The following PLEKHH2 variants were observed in gnomAD, a reference collection of about 807,000 sequenced individuals.
PLEKHH2 encodes pleckstrin homology, MyTH4 and FERM domain containing H2, also known as pleckstrin homology domain-containing family H member 2.
In PLEKHH2, 129 loss-of-function variants were observed where a neutral mutation model predicts 187.9. The ratio of observed to expected loss-of-function variants is 0.69; its 90% CI spans 0.59 to 0.79. The LOEUF is 0.79. PLEKHH2 is among the 30% of genes least tolerant of loss of function. The probability of loss-of-function intolerance (pLI) is 0.00; values close to 1 mark genes in which losing one functional copy is unlikely to be tolerated. For synonymous variants in PLEKHH2, 686 were observed against 605.6 expected (o/e 1.13, Z -1.95); for missense variants, 2,076 against 1,751.2 (o/e 1.19, Z -3.31).
At chr2:43,640,840 A>C (rs896319620) in intron 1 of PLEKHH2, among the ~76,000 whole-genome samples, 1 of 151,714 alleles carries the variant, frequency 6.6e-6, no homozygotes, top group Non-Finnish European at 1.5e-5. Flanking sequence ...GCTGGAGTGC[A>C]GTGGTGTGAA....
intron 2 of PLEKHH2, chr2:43,676,305 C>G (rs1381950897): frequency 6.2e-7 from 1 of 1,609,070 alleles, no homozygotes; most frequent in East Asian, 2.2e-5. Flanking sequence ...AAAATGATGT[C>G]CCACTAGCGG....
intron 1 of PLEKHH2, among the ~76,000 whole-genome samples, chr2:43,643,623 T>G (rs1464263538): frequency 6.6e-6 from 1 of 152,066 alleles, no homozygotes; most frequent in African/African-American, 2.4e-5. Context: ...ATAGTATACT[T>G]CAACTGCAGT....
chr2:43,683,435 G>A (rs182038208), intron 3 of PLEKHH2, among the ~76,000 whole-genome samples: 11 of 151,930 alleles, frequency 7.2e-5, no homozygotes, highest in South Asian at 2.1e-4. Flanking sequence ...CACCTCGCCC[G>A]GCCCTCTTTT....
In PLEKHH2 at chr2:43,701,193, C is replaced by G. The variant is rs544587655; in HGVS notation, c.1650+585C>G. On this transcript the variant is annotated intron_variant, in intron 8 of 29. Coordinates refer to ENST00000282406, the MANE Select transcript of PLEKHH2 (RefSeq NM_172069.4). ...TTGAGTCACCTGTTCCCAGGAAGCC[C>G]TGGACCACCACAGGATTCTGCTACT... 2.6e-5 allele frequency among the ~76,000 whole-genome samples: 4 copies of G among 152,312 alleles called. No individual in the cohort carries two copies. In the South Asian group the frequency reaches 8.3e-4, roughly 32 times the overall value.
At position 43,658,401 on chromosome 2, in the gene PLEKHH2, C is replaced by T. The variant is rs559496813; in HGVS notation, c.123+13605C>T. ...TATTAGTTATCTATTGCTGTATTAA[C>T]AAATGACTCCAAAATTTCATGGCTT... On this transcript the variant is annotated intron_variant, in intron 2 of 29. Transcript: ENST00000282406. Among the ~76,000 whole-genome samples, 3 of 152,304 alleles carry T rather than the reference C, an allele frequency of 2.0e-5. No individual in the cohort carries two copies. In the East Asian group the frequency reaches 5.8e-4, roughly 29 times the overall value.
intron 26 of PLEKHH2, among the ~76,000 whole-genome samples, chr2:43,758,605 T>C (rs1211309299): frequency 7.9e-5 from 12 of 152,340 alleles, no homozygotes; most frequent in Admixed American, 7.8e-4. Context: ...TCTTTTAAAC[T>C]AATTTACGCT....
chr2:43,729,523 T>C, intron 17 of PLEKHH2, 114 bp from the exon 18 acceptor site: 1 of 589,664 alleles, frequency 1.7e-6, no homozygotes, highest in Non-Finnish European at 2.7e-6. Context: ...TATTTAAAAA[T>C]TAAAGCAAGT....
chr2:43,719,720 G>A (rs1189979660), intron 15 of PLEKHH2, among the ~76,000 whole-genome samples: 1 of 152,218 alleles, frequency 6.6e-6, no homozygotes, highest in African/African-American at 2.4e-5. Flanking sequence ...TTACAGGCGT[G>A]AGCCACCGCG....
rs115992385 is a variant in PLEKHH2 at position 43,725,278 on chromosome 2, T to G, written c.2542-994T>G. The stretch of plus-strand genomic sequence containing the variant: ...AGAGTTTGTGTTTGTTGCCATCTTC[T>G]TGCAGCTGTAGGCACCCCCTCTAGT... On this transcript the variant is annotated intron_variant, in intron 16 of 29. Coordinates refer to ENST00000282406, the MANE Select transcript of PLEKHH2 (RefSeq NM_172069.4). 8.2e-3 allele frequency among the ~76,000 whole-genome samples: 1,256 copies of G among 152,296 alleles called. 25 individuals are homozygous for G. The highest frequency in any genetic ancestry group is 0.029 in the African/African-American group (1,187 of 41,564).
chr2:43,677,790 C>G (rs1667902333), intron 2 of PLEKHH2, among the ~76,000 whole-genome samples: 11 of 150,448 alleles, frequency 7.3e-5, no homozygotes, highest in Admixed American at 7.2e-4. Context: ...CAGAGGCGCC[C>G]CTCACCTCCC....
At chr2:43,755,825 G>A (rs777218854) in intron 25 of PLEKHH2, among the ~76,000 whole-genome samples, 3 of 152,160 alleles carry the variant, frequency 2.0e-5, no homozygotes, top group Non-Finnish European at 4.4e-5. Context: ...TCCAAGAATG[G>A]TGAATGGGTG....
chr2:43,740,733 AC>A, intron 20 of PLEKHH2: 1 of 776,446 alleles, frequency 1.3e-6, no homozygotes. Context: ...GTTGTAGATA[AC>A]CATACACACA....
chr2:43,660,361 A>G (rs1667004843), intron 2 of PLEKHH2, among the ~76,000 whole-genome samples: 1 of 149,688 alleles, frequency 6.7e-6, no homozygotes. Flanking sequence ...AGGTGTTTGG[A>G]TGTATATGTC....
chr2:43,712,773 A>G (rs1670030474), intron 15 of PLEKHH2, among the ~76,000 whole-genome samples: 1 of 152,220 alleles, frequency 6.6e-6, no homozygotes, highest in Non-Finnish European at 1.5e-5. Context: ...TGGGCAGGAA[A>G]GAGAGATCAT....
chr2:43,641,540 GTATT>G (rs1665929886), intron 1 of PLEKHH2, among the ~76,000 whole-genome samples: 1 of 151,886 alleles, frequency 6.6e-6, no homozygotes, highest in Non-Finnish European at 1.5e-5. Context: ...TAGTGTTAGT[GTATT>G]TTATGTGTGG....
At chr2:43,649,102 T>C (rs780792856) in intron 2 of PLEKHH2, among the ~76,000 whole-genome samples, 1 of 152,246 alleles carries the variant, frequency 6.6e-6, no homozygotes, top group South Asian at 2.1e-4. Flanking sequence ...TTGAAGCTTG[T>C]GAAGAAAAAG....
At chr2:43,697,473 T>A in intron 7 of PLEKHH2, 117 bp downstream of exon 7, 1 of 851,856 alleles carries the variant, frequency 1.2e-6, no homozygotes, top group Non-Finnish European at 1.7e-6. Flanking sequence ...TTTGATGTTT[T>A]ATGAGAATGT....
At chr2:43,749,227 G>C (rs1217892873) in intron 24 of PLEKHH2, among the ~76,000 whole-genome samples, 2 of 152,168 alleles carry the variant, frequency 1.3e-5, no homozygotes, top group African/African-American at 4.8e-5. Context: ...AAAGAGAGTC[G>C]TGAATAAAAA....
At chr2:43,690,917 A>G (rs1357936224) in intron 3 of PLEKHH2, among the ~76,000 whole-genome samples, 1 of 152,246 alleles carries the variant, frequency 6.6e-6, no homozygotes, top group African/African-American at 2.4e-5. Context: ...AAAGGTGGTG[A>G]TAGGAAAATC....
Sources: gnomAD v4.1 joint callset for allele counts (sites outside exome capture counted in the v4.1 genomes callset) on GRCh38, gnomAD v4.1.1 for gene constraint, MANE v1.5 for transcripts, NCBI Gene and HGNC (gene_info 2026-07-23, HGNC 2026-07-21) for gene names.